The following TXNRD1 variants were observed in gnomAD, a reference collection of about 807,000 sequenced individuals.
The protein encoded by TXNRD1 is thioredoxin reductase 1, cytoplasmic.
In TXNRD1, 57 loss-of-function variants were observed where a neutral mutation model predicts 80.3. The ratio of observed to expected loss-of-function variants is 0.71; its 90% confidence interval spans 0.57 to 0.89. The LOEUF is 0.89. Ranked by LOEUF, TXNRD1 falls within the 40% of genes least tolerant of loss-of-function variation. The pLI is 0.00. For synonymous variants in TXNRD1, 291 were observed against 285.2 expected (o/e 1.02, Z -0.20); for missense variants, 730 against 803.0 (o/e 0.91, Z 1.10).
intron 2 of TXNRD1, among the ~76,000 whole-genome samples, chr12:104,252,676 A>G (rs1479401357): frequency 1.9e-5 from 2 of 104,280 alleles, no homozygotes; most frequent in African/African-American, 7.9e-5. Flanking sequence ...ATATATATAT[A>G]TATATATATA....
chr12:104,262,651 T>C (rs190725945), intron 3 of TXNRD1: 1 of 152,344 alleles, frequency 6.6e-6, no homozygotes, highest in East Asian at 1.9e-4. Context: ...ATCACATGGG[T>C]GCATTTATTC....
intron 4 of TXNRD1, among the ~76,000 whole-genome samples, chr12:104,296,441 G>A (rs542591187): frequency 3.1e-4 from 47 of 152,188 alleles, no homozygotes; most frequent in Non-Finnish European, 2.2e-4. Flanking sequence ...GCAAGGTCTT[G>A]CTCTAACCCA....
chr12:104,344,272 C>T (rs557622716), intron 16 of TXNRD1, among the ~76,000 whole-genome samples: 7 of 151,494 alleles, frequency 4.6e-5, no homozygotes, highest in South Asian at 2.1e-4. Flanking sequence ...GGAGGGGAGA[C>T]GATGTGGCTG....
At chr12:104,344,188 A>G (rs2036417472) in intron 16 of TXNRD1, among the ~76,000 whole-genome samples, 1 of 152,224 alleles carries the variant, frequency 6.6e-6, no homozygotes, top group Non-Finnish European at 1.5e-5. Context: ...AGTTCCTGGC[A>G]TTTAATAGAT....
chr12:104,307,888 G>C (rs1432579457), intron 4 of TXNRD1, among the ~76,000 whole-genome samples: 2 of 152,166 alleles, frequency 1.3e-5, no homozygotes, highest in Non-Finnish European at 2.9e-5. Flanking sequence ...GTTGCCTGCA[G>C]GTCATCTCAT....
chr12:104,249,556 C>A (rs1443909540), intron 1 of TXNRD1, among the ~76,000 whole-genome samples: 1 of 152,074 alleles, frequency 6.6e-6, no homozygotes, highest in African/African-American at 2.4e-5. Flanking sequence ...TTAAAAATTT[C>A]TTAAATTAAC....
intron 3 of TXNRD1, among the ~76,000 whole-genome samples, chr12:104,260,891 A>C (rs1193624803): frequency 1.2e-4 from 19 of 152,248 alleles, no homozygotes; most frequent in Non-Finnish European, 1.5e-5. Context: ...AGGAGGTAAC[A>C]TCGGAAGAGA....
intron 1 of TXNRD1, among the ~76,000 whole-genome samples, chr12:104,246,048 G>A (rs75679523): frequency 1.7e-4 from 23 of 138,018 alleles, no homozygotes; most frequent in Middle Eastern, 0.01. Context: ...GGGAGGCGGA[G>A]CTTGCAGTGA....
intron 13 of TXNRD1, among the ~76,000 whole-genome samples, chr12:104,329,005 A>G (rs1162587109): frequency 6.6e-6 from 1 of 152,182 alleles, no homozygotes; most frequent in Non-Finnish European, 1.5e-5. Flanking sequence ...AGTTGGTTAC[A>G]GTAATGGGAA....
intron 3 of TXNRD1, among the ~76,000 whole-genome samples, chr12:104,270,473 T>C (rs1375633342): frequency 6.6e-6 from 1 of 152,166 alleles, no homozygotes; most frequent in Non-Finnish European, 1.5e-5. Context: ...GAGCAATAGG[T>C]CTCAACAGTG....
chr12:104,234,561 T>C (rs1164116640), intron 1 of TXNRD1, among the ~76,000 whole-genome samples: 1 of 149,436 alleles, frequency 6.7e-6, no homozygotes, highest in African/African-American at 2.5e-5. Context: ...CCAAAAGTTC[T>C]GGGATTACAG....
At chr12:104,267,647 A>ATCTTTCTTTCTTTCTT (rs753275941) in intron 3 of TXNRD1, among the ~76,000 whole-genome samples, 1,628 of 140,298 alleles carry the variant, frequency 0.012, 16 homozygotes, top group Admixed American at 0.023. Context: ...ATGTGATGGT[A>ATCTTTCTTTCTTTCTT]TCTTTCTTTC....
intron 1 of TXNRD1, among the ~76,000 whole-genome samples, chr12:104,245,517 CAAA>C (rs10622971): frequency 1.0e-4 from 3 of 29,260 alleles, no homozygotes; most frequent in Admixed American, 7.4e-4. Flanking sequence ...AACTCCATCT[CAAA>C]AAAAAAAAAA....
At chr12:104,346,205 G>A (rs2036486068) in intron 16 of TXNRD1, 1 of 253,632 alleles carries the variant, frequency 3.9e-6, no homozygotes, top group Non-Finnish European at 8.0e-6. Flanking sequence ...TTGAGACAGG[G>A]TCGCATTATG....
intron 1 of TXNRD1, among the ~76,000 whole-genome samples, chr12:104,226,297 A>C (rs1380431162): frequency 1.3e-5 from 2 of 152,246 alleles, no homozygotes; most frequent in Non-Finnish European, 2.9e-5. Context: ...TGCTGAAGAC[A>C]GCCAAAAATG....
intron 10 of TXNRD1, among the ~76,000 whole-genome samples, chr12:104,321,676 C>T (rs564239338): frequency 6.6e-6 from 1 of 152,320 alleles, no homozygotes; most frequent in South Asian, 2.1e-4. Flanking sequence ...GCCCCACCTG[C>T]ACTCCCTGGC....
chr12:104,215,823 G>A lies in TXNRD1; in HGVS notation c.21G>A (p.Lys7=). The A allele has an allele frequency of 6.4e-7, 1 of 1,563,334 alleles. No homozygotes were observed. The highest frequency in any genetic ancestry group is 8.7e-7 in the Non-Finnish European group (1 of 1,154,800). ...GCGACATGGGCTGCGCCGAGGGCAA[G>A]GCAGTGGCGGCGGCCGCCCCAACGG... MGCAEG[K]AVAAAAPTEL... Residue 7 remains lysine, a synonymous_variant, in exon 1 of 17, where the codon AAG becomes AAA. Coordinates refer to ENST00000525566, the MANE Select transcript of TXNRD1 (RefSeq NM_001093771.3).
At chr12:104,258,474 A>G (rs1480314085) in intron 3 of TXNRD1, among the ~76,000 whole-genome samples, 1 of 152,236 alleles carries the variant, frequency 6.6e-6, no homozygotes, top group Non-Finnish European at 1.5e-5. Context: ...GCAGGGACAT[A>G]CAAAGATCAG....
Position 104,339,246 on chromosome 12 carries a change from A to G in TXNRD1, c.1854A>G (p.Thr618=). Residue 618 remains threonine (T), a synonymous_variant, in exon 16 of 17, where the codon ACA becomes ACG. Coordinates refer to ENST00000525566, the MANE Select transcript of TXNRD1 (RefSeq NM_001093771.3). Reference sequence around the variant, plus strand: ...TGACCAAAAAGCAGCTGGACAGCACAATTGGAATCCACCCTGTCTGTGCAG... The same window carrying G: ...TGACCAAAAAGCAGCTGGACAGCACGATTGGAATCCACCCTGTCTGTGCAG... ...CGLTKKQLDS[T]IGIHPVCAEV... The G allele has an allele frequency of 5.0e-6, 8 of 1,613,988 alleles. No individual in the cohort carries two copies. Among genetic ancestry groups the G allele is most frequent in the Non-Finnish European group, 5.9e-6 (7 of 1,179,874 alleles).
Sources: allele counts gnomAD v4.1 joint callset (sites outside exome capture counted in the v4.1 genomes callset), GRCh38; gene constraint gnomAD v4.1.1; transcripts MANE v1.5; gene names NCBI Gene and HGNC (gene_info 2026-07-23, HGNC 2026-07-21).